TMEM182: variants seen among roughly 807,000 people sequenced by gnomAD.
TMEM182 encodes transmembrane protein 182.
A neutral mutation model predicts 26.8 loss-of-function variants in TMEM182; 20 were observed. That is an observed-to-expected ratio of 0.75 (90% CI 0.53 to 1.09). The LOEUF is 1.09. Among genes scored for constraint, TMEM182 ranks in the 50% least tolerant of loss-of-function variants. The pLI is 0.00. For synonymous variants in TMEM182, 109 were observed against 102.2 expected, an observed-to-expected ratio of 1.07 and a Z score of -0.40; for missense variants, 277 against 275.5, an observed-to-expected ratio of 1.01 and a Z score of -0.04.
intron 3 of TMEM182, among the ~76,000 whole-genome samples, chr2:102,824,709 TCC>T: frequency 6.6e-6 from 1 of 152,144 alleles, no homozygotes; most frequent in East Asian, 1.9e-4. Flanking sequence ...GCATTTGTAG[TCC>T]AGCTATTCAG....
intron 3 of TMEM182, among the ~76,000 whole-genome samples, chr2:102,786,579 C>T (rs969122566): frequency 1.3e-5 from 2 of 152,058 alleles, no homozygotes; most frequent in African/African-American, 4.8e-5. Flanking sequence ...CTTCTTTTTC[C>T]AAGGCCTGCT....
At chr2:102,827,224 T>C (rs1352510406) in intron 3 of TMEM182, among the ~76,000 whole-genome samples, 4 of 152,262 alleles carry the variant, frequency 2.6e-5, no homozygotes, top group Non-Finnish European at 5.9e-5. Context: ...TGAAAATCAA[T>C]GTGAAGCCAT....
intron 1 of TMEM182, among the ~76,000 whole-genome samples, chr2:102,738,936 A>G (rs1272669298): frequency 1.3e-5 from 2 of 152,216 alleles, no homozygotes; most frequent in African/African-American, 4.8e-5. Flanking sequence ...TGGATTTATT[A>G]TGTATGACTT....
intron 4 of TMEM182, among the ~76,000 whole-genome samples, chr2:102,807,661 C>A (rs1250831195): frequency 6.6e-6 from 1 of 151,988 alleles, no homozygotes; most frequent in Admixed American, 6.6e-5. Flanking sequence ...TCCCTTTTCC[C>A]AGATATAATA....
In TMEM182 at chr2:102,782,414, AATT is replaced by A. The variant is rs1338637528; in HGVS notation, c.332-15444_332-15442del. On this transcript the variant is annotated intron_variant, in intron 3 of 4. Coordinates refer to ENST00000412401, the MANE Select transcript of TMEM182 (RefSeq NM_144632.5). Reference sequence around the variant, plus strand: ...TAATTTTTATTTGCTATTTTATAAAAATTATTAATACCACAATAAATGACTTTA... The same window carrying A: ...TAATTTTTATTTGCTATTTTATAAAAATTAATACCACAATAAATGACTTTA... Among the ~76,000 whole-genome samples, 30 of 152,312 alleles carry A rather than the reference AATT, an allele frequency of 2.0e-4. No homozygotes were observed. In the South Asian group the frequency reaches 5.0e-3, roughly 25 times the overall value.
intron 3 of TMEM182, among the ~76,000 whole-genome samples, chr2:102,841,777 C>T (rs1388319752): frequency 2.6e-5 from 4 of 152,218 alleles, no homozygotes; most frequent in African/African-American, 9.6e-5. Flanking sequence ...TAGTTTTGTT[C>T]GTTTGTTTTT....
At chr2:102,828,508 G>A (rs1383622694) in intron 3 of TMEM182, among the ~76,000 whole-genome samples, 1 of 152,162 alleles carries the variant, frequency 6.6e-6, no homozygotes, top group East Asian at 1.9e-4. Context: ...AAAGTCATTA[G>A]GAAAAATGTT....
chr2:102,837,854 G>A (rs917063078), intron 3 of TMEM182, among the ~76,000 whole-genome samples: 1 of 152,172 alleles, frequency 6.6e-6, no homozygotes, highest in Non-Finnish European at 1.5e-5. Context: ...GTTTAAGGAG[G>A]CAGAAGTGGC....
chr2:102,777,518 C>T (rs749004834), intron 3 of TMEM182, among the ~76,000 whole-genome samples: 19 of 152,068 alleles, frequency 1.2e-4, no homozygotes, highest in Non-Finnish European at 8.8e-5. Flanking sequence ...ACCAATACTA[C>T]AATTCCTTTG....
intron 3 of TMEM182, among the ~76,000 whole-genome samples, chr2:102,839,510 A>G (rs1235269204): frequency 6.8e-6 from 1 of 148,076 alleles, no homozygotes; most frequent in Non-Finnish European, 1.5e-5. Context: ...TATATAGTGG[A>G]ATTATTAAAT....
At position 102,789,107 on chromosome 2, in the gene TMEM182, TG is replaced by T. The variant is rs1681527196; in HGVS notation, c.332-8750del. ...CGGCCCTCATTTGCTGCGAGGGAGG[TG>T]GGGGGTAGTGGCGTGTTTTGTTTTG... On this transcript the variant is annotated intron_variant, in intron 3 of 4. Coordinates refer to ENST00000412401, the MANE Select transcript of TMEM182 (RefSeq NM_144632.5). Among the ~76,000 whole-genome samples the T allele has an allele frequency of 4.6e-5, 7 of 151,686 alleles. No homozygotes were observed. The South Asian group carries it at 1.3e-3, about 27-fold the overall frequency.
Position 102,834,545 on chromosome 2 carries a change from A to G in TMEM182, c.326-8867A>G, listed in dbSNP as rs140310059. Reference sequence around the variant, plus strand: ...TGAGCCTTGGGAGGTGTGCATATCCATGAGAGTGTTATTGCTACAAATAGA... The same window carrying G: ...TGAGCCTTGGGAGGTGTGCATATCCGTGAGAGTGTTATTGCTACAAATAGA... On this transcript the variant is annotated intron_variant, in intron 3 of 3. Coordinates refer to the TMEM182 transcript ENST00000486293. 6 of 524,416 alleles carry G rather than the reference A, an allele frequency of 1.1e-5. No homozygotes were observed. In the East Asian group the frequency reaches 4.5e-4, roughly 39 times the overall value. The allele number at this position is 524,416 out of a possible 1,614,324, so 32.5% of individuals were successfully genotyped here. A position where few individuals can be genotyped will look rare whatever the true frequency, so the allele number is the denominator to read the frequency against.
chr2:102,761,522 C>G (rs987155670), upstream of TMEM182, among the ~76,000 whole-genome samples: 1 of 152,100 alleles, frequency 6.6e-6, no homozygotes, highest in Non-Finnish European at 1.5e-5. Context: ...TTACCATGAA[C>G]ATTCTTGACC....
chr2:102,740,464 A>G (rs1489690893), intron 1 of TMEM182, among the ~76,000 whole-genome samples: 1 of 152,094 alleles, frequency 6.6e-6, no homozygotes, highest in Non-Finnish European at 1.5e-5. Flanking sequence ...CCCTTCCACC[A>G]TGATTGTAAG....
intron 4 of TMEM182, among the ~76,000 whole-genome samples, chr2:102,809,687 C>G (rs975997963): frequency 2.4e-4 from 37 of 152,200 alleles, no homozygotes; most frequent in Admixed American, 1.6e-3. Context: ...TCATTTCCAT[C>G]CTCTGTTGAA....
chr2:102,793,348 T>C (rs1681729328), intron 3 of TMEM182, among the ~76,000 whole-genome samples: 1 of 152,212 alleles, frequency 6.6e-6, no homozygotes, highest in South Asian at 2.1e-4. Flanking sequence ...ACAGAAAACG[T>C]TCCCATGAGA....
At chr2:102,787,385 TCTC>T (rs369589394) in intron 3 of TMEM182, among the ~76,000 whole-genome samples, 267 of 152,310 alleles carry the variant, frequency 1.8e-3, no homozygotes, top group Non-Finnish European at 2.7e-3. Flanking sequence ...GAATGAACTC[TCTC>T]CTCCTCTTCT....
At chr2:102,763,425 T>A (rs1680295592) in intron 2 of TMEM182, among the ~76,000 whole-genome samples, 1 of 152,202 alleles carries the variant, frequency 6.6e-6, no homozygotes, top group Admixed American at 6.5e-5. Flanking sequence ...GCCTAAAGCT[T>A]ATTGAGAATT....
intron 4 of TMEM182, among the ~76,000 whole-genome samples, 173 bp downstream of exon 4, chr2:102,798,173 C>CTA (rs1681963654): frequency 6.6e-6 from 1 of 151,722 alleles, no homozygotes; most frequent in South Asian, 2.1e-4. Context: ...TTCTTGAACA[C>CTA]TAACTGTGTG....
Sources: allele counts gnomAD v4.1 joint callset (sites outside exome capture counted in the v4.1 genomes callset), GRCh38; gene constraint gnomAD v4.1.1; transcripts MANE v1.5; gene names NCBI Gene and HGNC (gene_info 2026-07-23, HGNC 2026-07-21).